Variants in LARGE1 observed in about 807,000 individuals in gnomAD.
LARGE1 encodes the protein LARGE xylosyl- and glucuronyltransferase 1.
A neutral mutation model predicts 87.6 loss-of-function variants in LARGE1; 43 were observed. The observed-to-expected ratio is 0.49, with a 90% CI of 0.38 to 0.63. The LOEUF (loss-of-function observed/expected upper bound fraction) is 0.63, where lower values mean the gene tolerates loss of function less well. LARGE1 is among the 30% of genes least tolerant of loss of function. The probability of loss-of-function intolerance (pLI) is 0.00; values close to 1 mark genes in which losing one functional copy is unlikely to be tolerated. For missense variants in LARGE1, 802 were observed against 1,000.2 expected (o/e 0.80, Z 2.67); for synonymous variants, 434 against 394.6 (o/e 1.10, Z -1.18).
At chr22:33,553,645 C>T (rs2077593017) in intron 6 of LARGE1, among the ~76,000 whole-genome samples, 1 of 152,290 alleles carries the variant, frequency 6.6e-6, no homozygotes, top group Admixed American at 6.5e-5. Flanking sequence ...ACCCTCACGC[C>T]AATACCCCAT....
At chr22:33,505,560 GA>G (rs1258453552) in intron 6 of LARGE1, among the ~76,000 whole-genome samples, 4 of 152,212 alleles carry the variant, frequency 2.6e-5, no homozygotes, top group Non-Finnish European at 5.9e-5. Context: ...TCTGCATGGT[GA>G]GGGGTAAAAC....
intron 7 of LARGE1, among the ~76,000 whole-genome samples, chr22:33,390,704 T>C (rs1335734299): frequency 6.6e-6 from 1 of 151,016 alleles, no homozygotes; most frequent in African/African-American, 2.4e-5. Context: ...TTTTTTTTTT[T>C]TTTGAGACAG....
intron 1 of LARGE1, among the ~76,000 whole-genome samples, chr22:33,776,771 A>C (rs1356168264): frequency 1.3e-5 from 2 of 152,192 alleles, no homozygotes; most frequent in Admixed American, 1.3e-4. Context: ...TTGTTCTTCC[A>C]AGTTCCAAGG....
At chr22:33,685,487 G>A (rs369647258) in intron 2 of LARGE1, among the ~76,000 whole-genome samples, 6 of 152,148 alleles carry the variant, frequency 3.9e-5, no homozygotes, top group African/African-American at 1.4e-4. Context: ...TCCCAAAGCA[G>A]ATACAAGAAT....
intron 2 of LARGE1, 139 bp downstream of exon 2, chr22:33,761,232 G>A (rs1014084760): frequency 2.2e-5 from 18 of 809,778 alleles, no homozygotes; most frequent in Non-Finnish European, 3.7e-5. Context: ...AACTACCTGT[G>A]TGATTCTAGA....
chr22:33,208,454 C>T (rs1408876794), intron 11 of LARGE1, among the ~76,000 whole-genome samples: 1 of 152,194 alleles, frequency 6.6e-6, no homozygotes, highest in Admixed American at 6.5e-5. Flanking sequence ...CGTTGTTACT[C>T]ATTGTAGTCA....
intron 7 of LARGE1, among the ~76,000 whole-genome samples, chr22:33,408,088 C>G (rs1048765433): frequency 9.3e-5 from 14 of 150,922 alleles, no homozygotes. Flanking sequence ...TCAAGAGGTT[C>G]TCCTGCCTCA....
intron 1 of LARGE1, among the ~76,000 whole-genome samples, chr22:33,853,773 C>T (rs190353291): frequency 2.0e-4 from 30 of 152,332 alleles, no homozygotes; most frequent in Non-Finnish European, 3.5e-4. Context: ...CCTGTTGTGC[C>T]GTCTGCTGTA....
the LARGE1 span, among the ~76,000 whole-genome samples, chr22:33,156,648 G>A: frequency 3.3e-5 from 5 of 152,164 alleles, no homozygotes; most frequent in African/African-American, 9.7e-5. Flanking sequence ...TCTTTGATGT[G>A]ACTTTGGGCT....
At chr22:33,757,169 C>T (rs1173999609) in intron 2 of LARGE1, among the ~76,000 whole-genome samples, 1 of 152,150 alleles carries the variant, frequency 6.6e-6, no homozygotes, top group Admixed American at 6.5e-5. Flanking sequence ...TGGTGAACTC[C>T]ATGCCTGACA....
At chr22:33,441,199 G>A (rs747793438) in intron 6 of LARGE1, among the ~76,000 whole-genome samples, 8 of 149,026 alleles carry the variant, frequency 5.4e-5, no homozygotes, top group Non-Finnish European at 1.2e-4. Context: ...TCAGCCTCCC[G>A]AGTAGCTGGG....
At chr22:33,794,659 C>A (rs1326357205) in intron 1 of LARGE1, among the ~76,000 whole-genome samples, 1 of 151,990 alleles carries the variant, frequency 6.6e-6, no homozygotes, top group African/African-American at 2.4e-5. Context: ...CTCGCTCTGT[C>A]GCCCAGGCTG....
the LARGE1 span, among the ~76,000 whole-genome samples, chr22:33,133,515 T>G: frequency 6.6e-6 from 1 of 152,232 alleles, no homozygotes; most frequent in Non-Finnish European, 1.5e-5. Flanking sequence ...GAACTCATCC[T>G]TTTTAATGAC....
At chr22:33,816,622 A>G (rs1601686007) in intron 1 of LARGE1, among the ~76,000 whole-genome samples, 1 of 152,080 alleles carries the variant, frequency 6.6e-6, no homozygotes, top group African/African-American at 2.4e-5. Context: ...CATAGCAGGC[A>G]GGCAGGCGGG....
chr22:33,920,397 C>T lies in LARGE1; in HGVS notation c.-485G>A, dbSNP rs2065911436. On this transcript the variant is annotated 5_prime_UTR_variant, in exon 1 of 15. Transcript: ENST00000397394. ...CTTCAGGGCAGGGCCTGCCCGCGAA[C>T]AGCCCGGCGAGACGAGCGCGGCCGC... 1 of 150,948 alleles carries T rather than the reference C, an allele frequency of 6.6e-6. No homozygotes were observed. The highest frequency in any genetic ancestry group is 1.5e-5 in the Non-Finnish European group (1 of 67,680). The allele number at this position is 150,948 out of a possible 1,614,324, so 9.4% of individuals were successfully genotyped here.
chr22:33,490,735 A>T (rs987600667), intron 6 of LARGE1, among the ~76,000 whole-genome samples: 1 of 152,206 alleles, frequency 6.6e-6, no homozygotes, highest in African/African-American at 2.4e-5. Context: ...CTGACTCTTT[A>T]CATCATCTCT....
chr22:33,443,415 A>C (rs1416077699), intron 6 of LARGE1, among the ~76,000 whole-genome samples: 1 of 152,092 alleles, frequency 6.6e-6, no homozygotes, highest in East Asian at 1.9e-4. Context: ...TGCCCAGCCC[A>C]CCTGCTCCTG....
At chr22:33,515,102 T>A (rs563664164) in intron 6 of LARGE1, among the ~76,000 whole-genome samples, 141 of 151,376 alleles carry the variant, frequency 9.3e-4, no homozygotes, top group African/African-American at 3.4e-3. Flanking sequence ...ACCCCTCCCA[T>A]TTCAGCAGGT....
intron 6 of LARGE1, among the ~76,000 whole-genome samples, chr22:33,528,467 G>C (rs117232920): frequency 6.6e-6 from 1 of 152,288 alleles, no homozygotes; most frequent in African/African-American, 2.4e-5. Context: ...GGCCCTTCAT[G>C]TGTCTCATGA....
Sources: gnomAD v4.1 joint callset for allele counts (sites outside exome capture counted in the v4.1 genomes callset) on GRCh38, gnomAD v4.1.1 for gene constraint, MANE v1.5 for transcripts, NCBI Gene and HGNC (gene_info 2026-07-23, HGNC 2026-07-21) for gene names.